The following DDAH1 variants were observed in gnomAD, a reference collection of about 807,000 sequenced individuals.
DDAH1 encodes N(G),N(G)-dimethylarginine dimethylaminohydrolase 1.
DDAH1 carries 19 observed loss-of-function variants against 28.8 expected under a neutral mutation model. That is an observed-to-expected ratio of 0.66 (90% CI 0.46 to 0.97). DDAH1 has a LOEUF of 0.97. Among genes scored for constraint, DDAH1 ranks in the 50% least tolerant of loss-of-function variants. The pLI is 0.00. For synonymous variants in DDAH1, 153 were observed against 154.4 expected (o/e 0.99, Z 0.07); for missense variants, 326 against 375.9 (o/e 0.87, Z 1.10).
intron 1 of DDAH1, among the ~76,000 whole-genome samples, chr1:85,520,820 CATAAACACAGGA>C (rs1461642085): frequency 1.3e-5 from 2 of 152,160 alleles, no homozygotes; most frequent in Non-Finnish European, 2.9e-5. Context: ...ATTTTATGGG[CATAAACACAGGA>C]ATATGTCAAT....
intron 1 of DDAH1, among the ~76,000 whole-genome samples, chr1:85,572,222 G>GT (rs1659480415): frequency 6.6e-6 from 1 of 152,014 alleles, no homozygotes; most frequent in Non-Finnish European, 1.5e-5. Flanking sequence ...CTTTTTCATT[G>GT]TTTAACTTGT....
intron 1 of DDAH1, among the ~76,000 whole-genome samples, chr1:85,434,667 C>T (rs1486964388): frequency 6.6e-6 from 1 of 152,114 alleles, no homozygotes; most frequent in Non-Finnish European, 1.5e-5. Context: ...GGTGGGATTA[C>T]AGGAATTAGC....
At chr1:85,420,641 A>C (rs879440408) in intron 1 of DDAH1, among the ~76,000 whole-genome samples, 2 of 152,146 alleles carry the variant, frequency 1.3e-5, no homozygotes, top group Non-Finnish European at 2.9e-5. Flanking sequence ...GGTAGCCTGG[A>C]CTTCACTGTG....
At chr1:85,410,465 C>A (rs914486274) in intron 1 of DDAH1, among the ~76,000 whole-genome samples, 1 of 151,856 alleles carries the variant, frequency 6.6e-6, no homozygotes, top group Admixed American at 6.6e-5. Flanking sequence ...CATGAAGAAA[C>A]CCCATCTCTA....
intron 2 of DDAH1, 99 bp from the exon 3 acceptor site, chr1:85,351,678 C>A (rs1427019191): frequency 8.0e-6 from 7 of 874,456 alleles, no homozygotes. Context: ...TCACACAGTT[C>A]TCTCTTACCA....
chr1:85,376,523 G>C (rs1254367147), intron 1 of DDAH1, among the ~76,000 whole-genome samples: 1 of 151,954 alleles, frequency 6.6e-6, no homozygotes. Flanking sequence ...GGTACTAAAC[G>C]CTTGCCTCCA....
chr1:85,541,749 G>C (rs1658478423), intron 1 of DDAH1, among the ~76,000 whole-genome samples: 2 of 152,178 alleles, frequency 1.3e-5, no homozygotes, highest in Admixed American at 1.3e-4. Context: ...ATTAGATCAT[G>C]AAGTTGGAGC....
intron 5 of DDAH1, among the ~76,000 whole-genome samples, chr1:85,324,272 A>AAATAATAATAATAATAATAAT (rs71075831): frequency 0.067 from 9,568 of 142,132 alleles, 340 homozygotes; most frequent in South Asian, 0.13. Flanking sequence ...CCTGTCTCAA[A>AAATAATAATAATAATAATAAT]AATAATAATA....
intron 1 of DDAH1, among the ~76,000 whole-genome samples, chr1:85,506,122 A>G (rs1475976097): frequency 2.6e-5 from 4 of 152,236 alleles, no homozygotes; most frequent in African/African-American, 9.6e-5. Flanking sequence ...GAAGGTTGTA[A>G]AAATGAATGG....
chr1:85,479,295 T>C (rs991652241), intron 2 of DDAH1, among the ~76,000 whole-genome samples: 2 of 147,854 alleles, frequency 1.4e-5, no homozygotes. Context: ...TGCCTCAGCC[T>C]CCCGAGTAGC....
At chr1:85,361,572 A>T (rs901055022) in intron 1 of DDAH1, among the ~76,000 whole-genome samples, 1 of 152,254 alleles carries the variant, frequency 6.6e-6, no homozygotes, top group Non-Finnish European at 1.5e-5. Flanking sequence ...TACTTAATTT[A>T]AGCCTTAGAG....
At chr1:85,550,543 G>A (rs919443086) in intron 1 of DDAH1, among the ~76,000 whole-genome samples, 4 of 152,112 alleles carry the variant, frequency 2.6e-5, no homozygotes, top group South Asian at 2.1e-4. Flanking sequence ...GCCCATAATC[G>A]GTATGTTTTA....
chr1:85,408,736 A>AT (rs572647697), intron 1 of DDAH1, among the ~76,000 whole-genome samples: 12 of 152,066 alleles, frequency 7.9e-5, no homozygotes, highest in East Asian at 3.9e-4. Flanking sequence ...AATTTAGCCT[A>AT]TTTTTTTTAA....
At chr1:85,562,975 T>C (rs112070376) in intron 1 of DDAH1, among the ~76,000 whole-genome samples, 13 of 152,264 alleles carry the variant, frequency 8.5e-5, no homozygotes, top group African/African-American at 2.6e-4. Flanking sequence ...ACAAATTATA[T>C]AAAACAACAT....
intron 3 of DDAH1, 139 bp from the exon 4 acceptor site, chr1:85,350,673 G>T (rs1405792809): frequency 9.7e-7 from 1 of 1,025,772 alleles, no homozygotes; most frequent in Non-Finnish European, 1.4e-6. Flanking sequence ...GGGACCCACA[G>T]ATTTGGATAT....
intron 4 of DDAH1, among the ~76,000 whole-genome samples, chr1:85,337,945 C>T (rs233064): frequency 0.053 from 8,075 of 152,214 alleles, 741 homozygotes; most frequent in African/African-American, 0.18. Flanking sequence ...CACCAGTCAC[C>T]GAACTTCCAT....
At chr1:85,344,289 C>T (rs1050861063) in intron 4 of DDAH1, among the ~76,000 whole-genome samples, 1 of 152,110 alleles carries the variant, frequency 6.6e-6, no homozygotes, top group South Asian at 2.1e-4. Context: ...CCAAAGAAAA[C>T]TATAGCTGTA....
At chr1:85,511,413 C>A (rs571205678) in intron 1 of DDAH1, among the ~76,000 whole-genome samples, 1 of 152,012 alleles carries the variant, frequency 6.6e-6, no homozygotes, top group Non-Finnish European at 1.5e-5. Context: ...GATCTAAAAT[C>A]GACATCATAA....
At chr1:85,527,321 G>A (rs1247499523) in intron 1 of DDAH1, among the ~76,000 whole-genome samples, 2 of 148,660 alleles carry the variant, frequency 1.3e-5, no homozygotes, top group African/African-American at 2.4e-5. Flanking sequence ...GGCTTGTGCA[G>A]CGGTCTGGTC....
Sources: gnomAD v4.1 joint callset for allele counts (sites outside exome capture counted in the v4.1 genomes callset) on GRCh38, gnomAD v4.1.1 for gene constraint, MANE v1.5 for transcripts, NCBI Gene and HGNC (gene_info 2026-07-23, HGNC 2026-07-21) for gene names.